Variants in NTRK3 observed in about 807,000 individuals in gnomAD.
NTRK3 encodes the protein NT-3 growth factor receptor.
Under a neutral mutation model 91.7 loss-of-function variants are expected in NTRK3, and 24 were observed. The ratio of observed to expected loss-of-function variants is 0.26; its 90% CI spans 0.19 to 0.37. NTRK3 has a LOEUF of 0.37. NTRK3 is among the 10% of genes least tolerant of loss of function. The pLI is 1.00. For missense variants in NTRK3, 880 were observed against 1,068.9 expected (o/e 0.82, Z 2.46); for synonymous variants, 483 against 404.0 (o/e 1.20, Z -2.34).
chr15:88,003,826 ATT>A lies in NTRK3; in HGVS notation c.1585+29029_1585+29030del, dbSNP rs35312227. Among the ~76,000 whole-genome samples the A allele has an allele frequency of 5.1e-3, 701 of 136,256 alleles. 7 individuals are homozygous for A. The highest frequency in any genetic ancestry group is 0.035 in the South Asian group (146 of 4,200). The allele number at this position is 136,256 out of a possible 152,430, so 89.4% of individuals were successfully genotyped here. On this transcript the variant is annotated intron_variant, in intron 14 of 18. Transcript: ENST00000394480. Reference sequence around the variant, plus strand: ...GAACCAACTGTTATGATATATTTGGATTTTTTTTTTTTTTTTTTGCACTAAGA... The same window carrying A: ...GAACCAACTGTTATGATATATTTGGATTTTTTTTTTTTTTTTGCACTAAGA...
In NTRK3 at chr15:88,074,843, C is replaced by T. The variant is rs547742682; in HGVS notation, c.1397-41798G>A. On this transcript the variant is annotated intron_variant, in intron 13 of 18. Transcript: ENST00000394480. ...ATCGTGCTATCTTTAAGGCACAGTGCCAGAGCTCTCAGAACCTCCATTTTC... is the reference window on the plus strand; with the variant it reads ...ATCGTGCTATCTTTAAGGCACAGTGTCAGAGCTCTCAGAACCTCCATTTTC... Among the ~76,000 whole-genome samples the T allele has an allele frequency of 5.3e-5, 8 of 152,208 alleles. No homozygotes were observed. The South Asian group carries it at 1.7e-3, about 32-fold the overall frequency.
chr15:87,997,271 C>A (rs138040835), intron 14 of NTRK3, among the ~76,000 whole-genome samples: 82 of 152,284 alleles, frequency 5.4e-4, no homozygotes, highest in African/African-American at 1.9e-3. Context: ...CATTCCAATT[C>A]CAAATGCGAG....
exon 13 of NTRK3, chr15:88,126,351 G>C (rs2053281981): frequency 6.2e-7 from 1 of 1,613,824 alleles, no homozygotes; most frequent in Non-Finnish European, 8.5e-7. Context: ...GGCAAAAGCA[G>C]CAAGTCCAAC....
intron 13 of NTRK3, among the ~76,000 whole-genome samples, chr15:88,068,105 T>C (rs532083687): frequency 6.6e-6 from 1 of 152,250 alleles, no homozygotes; most frequent in South Asian, 2.1e-4. Context: ...CTTTAAGTGA[T>C]ACAAGAAAGA....
intron 13 of NTRK3, among the ~76,000 whole-genome samples, chr15:88,065,696 G>A (rs572595956): frequency 1.4e-4 from 21 of 152,192 alleles, no homozygotes; most frequent in Non-Finnish European, 2.1e-4. Flanking sequence ...CTTTGGAACT[G>A]TTTCCGTCTT....
intron 14 of NTRK3, among the ~76,000 whole-genome samples, chr15:88,028,934 T>A (rs1349419735): frequency 6.6e-6 from 1 of 152,190 alleles, no homozygotes; most frequent in Non-Finnish European, 1.5e-5. Context: ...AACAACTTAC[T>A]GCAGTCCAGA....
In NTRK3 at chr15:88,230,523, T is replaced by C. The variant is rs542065592; in HGVS notation, c.248+25383A>G. Among the ~76,000 whole-genome samples the C allele has an allele frequency of 2.0e-5, 3 of 152,322 alleles. No individual in the cohort carries two copies. The East Asian group carries it at 5.8e-4, about 29-fold the overall frequency. ...TGGAACAAAAAAATCTGGCCAGCTT[T>C]CCTCAAAGAAGAGTAAAAAGTTATT... On this transcript the variant is annotated intron_variant, in intron 3 of 18. Transcript: ENST00000394480.
chr15:87,887,116 C>T (rs1242173673), intron 17 of NTRK3, among the ~76,000 whole-genome samples: 2 of 152,034 alleles, frequency 1.3e-5, no homozygotes, highest in Non-Finnish European at 2.9e-5. Flanking sequence ...CTCAATTTTA[C>T]AGACAGAAAT....
chr15:88,150,871 T>C (rs770674707), intron 5 of NTRK3, among the ~76,000 whole-genome samples: 1 of 152,082 alleles, frequency 6.6e-6, no homozygotes, highest in Non-Finnish European at 1.5e-5. Context: ...GCAGGGTAAA[T>C]AAACAAGCTT....
intron 3 of NTRK3, among the ~76,000 whole-genome samples, chr15:88,219,317 G>A (rs760211254): frequency 1.3e-5 from 2 of 152,216 alleles, no homozygotes; most frequent in African/African-American, 2.4e-5. Context: ...GGTACAACTG[G>A]GCTGTCTACT....
intron 5 of NTRK3, among the ~76,000 whole-genome samples, chr15:88,158,777 G>C (rs1027914788): frequency 6.6e-6 from 1 of 152,152 alleles, no homozygotes; most frequent in Non-Finnish European, 1.5e-5. Flanking sequence ...TCCACCACCC[G>C]GGGAGGTGGA....
At chr15:88,014,278 G>T (rs2077078065) in intron 14 of NTRK3, among the ~76,000 whole-genome samples, 1 of 152,144 alleles carries the variant, frequency 6.6e-6, no homozygotes, top group Admixed American at 6.5e-5. Flanking sequence ...TGAAAAGATT[G>T]CATTTCCACT....
chr15:87,862,078 C>G (rs2064542276), exon 19 of NTRK3: 1 of 214,644 alleles, frequency 4.7e-6, no homozygotes, highest in Non-Finnish European at 9.4e-6. Flanking sequence ...AGACAAAACT[C>G]CTCTATTCTA....
chr15:88,238,330 C>T (rs560056578), intron 3 of NTRK3, among the ~76,000 whole-genome samples: 37 of 152,038 alleles, frequency 2.4e-4, no homozygotes, highest in South Asian at 8.3e-4. Flanking sequence ...ATCTTTTTAT[C>T]GCTTAGGGCT....
At chr15:88,252,910 C>G (rs1038110616) in intron 3 of NTRK3, 1 of 152,278 alleles carries the variant, frequency 6.6e-6, no homozygotes, top group African/African-American at 2.4e-5. Context: ...AGATGGCCTC[C>G]CCCATCAGAG....
intron 17 of NTRK3, among the ~76,000 whole-genome samples, chr15:87,882,410 A>C (rs1191203142): frequency 6.6e-6 from 1 of 152,230 alleles, no homozygotes; most frequent in African/African-American, 2.4e-5. Context: ...ATAACAAAAA[A>C]TGCAGAGCAA....
At chr15:88,151,174 A>G (rs2043340271) in intron 5 of NTRK3, among the ~76,000 whole-genome samples, 1 of 152,308 alleles carries the variant, frequency 6.6e-6, no homozygotes, top group African/African-American at 2.4e-5. Flanking sequence ...GAGATGATGC[A>G]TCAAACTCTT....
intron 13 of NTRK3, among the ~76,000 whole-genome samples, chr15:88,038,342 C>T (rs188401373): frequency 6.6e-6 from 1 of 152,336 alleles, no homozygotes; most frequent in Non-Finnish European, 1.5e-5. Flanking sequence ...CTTCCATAAA[C>T]TACATTCCTT....
At chr15:87,911,877 T>C (rs992900809) in intron 17 of NTRK3, among the ~76,000 whole-genome samples, 11 of 152,242 alleles carry the variant, frequency 7.2e-5, no homozygotes, top group African/African-American at 2.4e-5. Flanking sequence ...AAGGCATGAA[T>C]ACTGCCCTTA....
Sources: allele counts gnomAD v4.1 joint callset (sites outside exome capture counted in the v4.1 genomes callset), GRCh38; gene constraint gnomAD v4.1.1; transcripts MANE v1.5; gene names NCBI Gene and HGNC (gene_info 2026-07-23, HGNC 2026-07-21).